The following IGF2BP3 variants were observed in gnomAD, a reference collection of about 807,000 sequenced individuals.
IGF2BP3 encodes the protein insulin like growth factor 2 mRNA binding protein 3.
IGF2BP3 carries 9 observed loss-of-function variants against 73.8 expected under a neutral mutation model. That is an observed-to-expected ratio of 0.12 (90% CI 0.07 to 0.21). The LOEUF (loss-of-function observed/expected upper bound fraction) is 0.21. Among genes scored for constraint, IGF2BP3 ranks in the 10% least tolerant of loss-of-function variants. The pLI is 1.00. For synonymous variants in IGF2BP3, 258 were observed against 256.7 expected, an observed-to-expected ratio of 1.01 and a Z score of -0.05; for missense variants, 542 against 714.0, an observed-to-expected ratio of 0.76 and a Z score of 2.75.
At chr7:23,379,165 ATGTCTTTGAAATTT>A (rs1342183673) in intron 3 of IGF2BP3, among the ~76,000 whole-genome samples, 2 of 152,184 alleles carry the variant, frequency 1.3e-5, no homozygotes, top group Non-Finnish European at 2.9e-5. Context: ...AGTGTTACAA[ATGTCTTTGAAATTT>A]TTTCCTTTTG....
intron 2 of IGF2BP3, among the ~76,000 whole-genome samples, chr7:23,464,215 C>T (rs984180522): frequency 1.3e-5 from 2 of 152,266 alleles, no homozygotes; most frequent in Non-Finnish European, 2.9e-5. Flanking sequence ...AAATGCAACA[C>T]TAGCTTTTAA....
chr7:23,348,751 C>A (rs568884137), intron 6 of IGF2BP3, among the ~76,000 whole-genome samples: 47 of 152,016 alleles, frequency 3.1e-4, no homozygotes, highest in Non-Finnish European at 6.2e-4. Flanking sequence ...CAAATGTCTA[C>A]GGGGGTTGGG....
chr7:23,373,007 A>G (rs1785605997), intron 3 of IGF2BP3, among the ~76,000 whole-genome samples: 1 of 152,192 alleles, frequency 6.6e-6, no homozygotes, highest in Admixed American at 6.5e-5. Context: ...TTGGTCTAAT[A>G]AGTTGCCTCA....
chr7:23,317,235 G>C (rs1009340742), intron 12 of IGF2BP3, among the ~76,000 whole-genome samples: 5 of 152,076 alleles, frequency 3.3e-5, no homozygotes, highest in African/African-American at 1.2e-4. Context: ...CTATGGGCAG[G>C]GTCTAACAGA....
At chr7:23,394,104 G>A (rs941224670) in intron 3 of IGF2BP3, among the ~76,000 whole-genome samples, 3 of 152,040 alleles carry the variant, frequency 2.0e-5, no homozygotes, top group Admixed American at 2.0e-4. Flanking sequence ...GTTTCTAAAG[G>A]TAATCTAGTT....
At chr7:23,434,065 G>A (rs1787750841) in intron 2 of IGF2BP3, among the ~76,000 whole-genome samples, 3 of 146,694 alleles carry the variant, frequency 2.0e-5, no homozygotes, top group South Asian at 4.3e-4. Context: ...GAGACAGAGT[G>A]AGACTCTGTC....
In IGF2BP3 at chr7:23,311,470, A is replaced by C. The variant is rs1783827014; in HGVS notation, c.*892T>G. 6.6e-6 allele frequency: 1 copy of C among 152,510 alleles called. No homozygotes were observed. The highest frequency in any genetic ancestry group is 1.5e-5 in the Non-Finnish European group (1 of 68,018). 9.4% of individuals were successfully genotyped at this position (152,510 alleles called of 1,614,324 possible). ...AGCCGTTCCAAAATCTCCTGCGACC[A>C]CTTTGTTAGTACCGTCAAAAACTTT... On this transcript the variant is annotated 3_prime_UTR_variant, in exon 15 of 15. Transcript: ENST00000258729.
At chr7:23,388,347 G>A (rs961162250) in intron 3 of IGF2BP3, among the ~76,000 whole-genome samples, 2 of 152,130 alleles carry the variant, frequency 1.3e-5, no homozygotes, top group Non-Finnish European at 2.9e-5. Flanking sequence ...ATCAACTTAG[G>A]TTCAGTAATT....
Position 23,359,512 on chromosome 7 carries a change from CA to C in IGF2BP3, c.401+2021del, listed in dbSNP as rs567776965. 3.8e-4 allele frequency among the ~76,000 whole-genome samples: 58 copies of C among 152,302 alleles called. 1 individual carries two copies. In the East Asian group the frequency reaches 0.011, roughly 29 times the overall value. On this transcript the variant is annotated intron_variant, in intron 5 of 14. Coordinates refer to ENST00000258729, the MANE Select transcript of IGF2BP3 (RefSeq NM_006547.3). The stretch of plus-strand genomic sequence containing the variant: ...TATCACATCATCCTATATTTTCCAA[CA>C]GGGACTTGGCTCTACCAAGTATTCA...
rs565811994 is a variant in IGF2BP3, at chr7:23,312,312, T to C, written c.*50A>G. On this transcript the variant is annotated 3_prime_UTR_variant, in exon 15 of 15. Transcript: ENST00000258729. ...CAGCGCCCATCTGTTGGTTAAGCAA[T>C]CTGTCTTTGGTTTGGCATCTGCCTC... 1 of 1,317,248 alleles carries C rather than the reference T, an allele frequency of 7.6e-7. No individual in the cohort carries two copies. Among genetic ancestry groups the C allele is most frequent in the African/African-American group, 1.4e-5 (1 of 69,034 alleles). 81.6% of individuals were successfully genotyped at this position (1,317,248 alleles called of 1,614,324 possible).
chr7:23,441,825 TA>T (rs1787943609), intron 2 of IGF2BP3, among the ~76,000 whole-genome samples: 1 of 152,144 alleles, frequency 6.6e-6, no homozygotes. Context: ...AAGATTACTA[TA>T]AAATGTTAAT....
intron 3 of IGF2BP3, among the ~76,000 whole-genome samples, 190 bp downstream of exon 3, chr7:23,418,586 C>T (rs896337195): frequency 1.3e-5 from 2 of 152,052 alleles, no homozygotes; most frequent in African/African-American, 2.4e-5. Context: ...TTTCTTATCC[C>T]AAAGAGCAGA....
At chr7:23,325,527 T>C (rs944641018) in intron 10 of IGF2BP3, among the ~76,000 whole-genome samples, 4 of 152,172 alleles carry the variant, frequency 2.6e-5, no homozygotes, top group African/African-American at 9.7e-5. Flanking sequence ...AATGCCATCC[T>C]CATCAAGCTA....
chr7:23,381,937 T>C (rs973012337), intron 3 of IGF2BP3, among the ~76,000 whole-genome samples: 2 of 152,158 alleles, frequency 1.3e-5, no homozygotes, highest in African/African-American at 2.4e-5. Flanking sequence ...TGGGCAAAGA[T>C]GTAACATTTG....
chr7:23,334,709 T>C (rs564011949), intron 10 of IGF2BP3, among the ~76,000 whole-genome samples: 2 of 152,382 alleles, frequency 1.3e-5, no homozygotes, highest in South Asian at 4.1e-4. Flanking sequence ...GACTCTCAAC[T>C]ACGGCTTGAA....
At chr7:23,451,315 G>A (rs1788190115) in intron 2 of IGF2BP3, among the ~76,000 whole-genome samples, 1 of 152,204 alleles carries the variant, frequency 6.6e-6, no homozygotes, top group Non-Finnish European at 1.5e-5. Flanking sequence ...CTACTCGGGA[G>A]GCTGAGGCAG....
At chr7:23,429,139 T>C (rs938730303) in intron 2 of IGF2BP3, among the ~76,000 whole-genome samples, 1 of 152,170 alleles carries the variant, frequency 6.6e-6, no homozygotes, top group Non-Finnish European at 1.5e-5. Context: ...AGATTGGTTA[T>C]TGCTTCCAAG....
At chr7:23,358,899 G>C (rs554818598) in intron 5 of IGF2BP3, among the ~76,000 whole-genome samples, 8 of 152,276 alleles carry the variant, frequency 5.3e-5, no homozygotes, top group East Asian at 3.9e-4. Context: ...GCTTGACAGG[G>C]AGGAACTAAA....
chr7:23,433,169 G>A (rs1787728969), intron 2 of IGF2BP3, among the ~76,000 whole-genome samples: 1 of 152,128 alleles, frequency 6.6e-6, no homozygotes, highest in Admixed American at 6.5e-5. Flanking sequence ...TGCTTGAGTA[G>A]CACTGAAAAT....
Sources: gnomAD v4.1 joint callset for allele counts (sites outside exome capture counted in the v4.1 genomes callset) on GRCh38, gnomAD v4.1.1 for gene constraint, MANE v1.5 for transcripts, NCBI Gene and HGNC (gene_info 2026-07-23, HGNC 2026-07-21) for gene names.